The following GOLIM4 variants were observed in gnomAD, a reference collection of about 807,000 sequenced individuals.
The protein encoded by GOLIM4 is golgi integral membrane protein 4, also known as 130 kDa golgi-localized phosphoprotein.
Under a neutral mutation model 107.4 loss-of-function variants are expected in GOLIM4, and 71 were observed. The ratio of observed to expected loss-of-function variants is 0.66; its 90% confidence interval spans 0.55 to 0.81. The LOEUF (loss-of-function observed/expected upper bound fraction) is 0.81, where lower values mean the gene tolerates loss of function less well. GOLIM4 is among the 30% of genes least tolerant of loss of function. GOLIM4 has a pLI of 0.00. For missense variants in GOLIM4, 830 were observed against 826.1 expected (o/e 1.00, Z -0.06); for synonymous variants, 327 against 294.8 (o/e 1.11, Z -1.12).
At chr3:168,019,119 G>C (rs971276853) in intron 14 of GOLIM4, among the ~76,000 whole-genome samples, 10 of 152,160 alleles carry the variant, frequency 6.6e-5, no homozygotes, top group African/African-American at 2.2e-4. Flanking sequence ...TATGGAGTCA[G>C]AAAGACCTGG....
At chr3:168,047,084 A>G (rs1719347563) in intron 2 of GOLIM4, 85 bp from the exon 3 acceptor site, 2 of 650,292 alleles carry the variant, frequency 3.1e-6, no homozygotes. Flanking sequence ...AACTTCACTC[A>G]TGCTTACAAA....
chr3:168,009,426 C>CAAAAAAAAAAAAAA lies in GOLIM4; in HGVS notation c.*842_*843insTTTTTTTTTTTTTT, dbSNP rs1553791594. ...AAACAAGAATATCAATCAATGGCTTCAAACAAAAAAAAAAAAAAAAAATTG... is the reference window on the plus strand; with the variant it reads ...AAACAAGAATATCAATCAATGGCTTCAAAAAAAAAAAAAAAAACAAAAAAAAAAAAAAAAAATTG... On this transcript the variant is annotated 3_prime_UTR_variant, in exon 16 of 16. Transcript: ENST00000470487. The CAAAAAAAAAAAAAA allele has an allele frequency of 1.1e-4, 1 of 8,732 alleles. No homozygotes were observed. Among genetic ancestry groups the CAAAAAAAAAAAAAA allele is most frequent in the Admixed American group, 1.9e-3 (1 of 530 alleles). The allele number at this position is 8,732 out of a possible 1,614,324, so 0.5% of individuals were successfully genotyped here.
At chr3:168,036,810 A>G (rs1198241065) in intron 8 of GOLIM4, 26 bp downstream of exon 8, 15 of 1,566,872 alleles carry the variant, frequency 9.6e-6, no homozygotes, top group South Asian at 4.7e-5. Flanking sequence ...TGACCTAACC[A>G]TAGATTACCA....
At chr3:168,034,767 T>C (rs1292175644) in intron 8 of GOLIM4, among the ~76,000 whole-genome samples, 1 of 152,160 alleles carries the variant, frequency 6.6e-6, no homozygotes, top group Non-Finnish European at 1.5e-5. Flanking sequence ...CCCGTGCTGC[T>C]CTCACAATAG....
intron 8 of GOLIM4, among the ~76,000 whole-genome samples, chr3:168,035,847 T>C (rs2108236047): frequency 2.0e-5 from 3 of 150,940 alleles, no homozygotes; most frequent in Admixed American, 2.0e-4. Flanking sequence ...TTACAGATGA[T>C]TGGAAAAAAA....
In GOLIM4 at chr3:168,032,663, C is replaced by T; in HGVS notation, c.1033G>A (p.Glu345Lys). 1.2e-6 allele frequency: 2 copies of T among 1,614,062 alleles called. No homozygotes were observed. The highest frequency in any genetic ancestry group is 8.5e-7 in the Non-Finnish European group (1 of 1,180,006). Reference sequence around the variant, plus strand: ...TGCCCGACCTGCTCCATTTCTTCCTCCTCCAGGGCCTTTCTGTGCTCCTCT... The same window carrying T: ...TGCCCGACCTGCTCCATTTCTTCCTTCTCCAGGGCCTTTCTGTGCTCCTCT... ...VEEEHRKALE[E>K]EEMEQVGQAE... Residue 345 changes from glutamate (E) to lysine (K), a missense_variant, in exon 9 of 16, where the codon GAG becomes AAG. Transcript: ENST00000470487.
Position 168,024,929 on chromosome 3 carries a change from ACCAAATGTTCCT to A in GOLIM4, c.1778_1789del (p.Glu593_Leu596del). ...CCCTTCCTCGTGGCATCTGCTTACC[ACCAAATGTTCCT>A]CCACTTCTGTATTCTCTTGCTTTTG... On this transcript the variant is annotated inframe_deletion and splice_region_variant, in exon 13 of 16. Transcript: ENST00000470487. The A allele has an allele frequency of 6.2e-7, 1 of 1,613,302 alleles. No individual in the cohort carries two copies. The highest frequency in any genetic ancestry group is 8.5e-7 in the Non-Finnish European group (1 of 1,179,436).
chr3:168,054,847 TA>T (rs1719855776), intron 1 of GOLIM4, among the ~76,000 whole-genome samples: 1 of 152,044 alleles, frequency 6.6e-6, no homozygotes, highest in African/African-American at 2.4e-5. Flanking sequence ...CAGTGGGAGA[TA>T]ATTTAATCAT....
At chr3:168,055,847 C>G (rs1004228936) in intron 1 of GOLIM4, among the ~76,000 whole-genome samples, 1 of 149,942 alleles carries the variant, frequency 6.7e-6, no homozygotes, top group Non-Finnish European at 1.5e-5. Flanking sequence ...TAAAGGCATT[C>G]AGTATTAAAA....
intron 14 of GOLIM4, among the ~76,000 whole-genome samples, chr3:168,021,160 G>A (rs1237676159): frequency 6.6e-6 from 1 of 152,132 alleles, no homozygotes. Context: ...TCTGAAATGG[G>A]CTTTGGCTAG....
In GOLIM4 at chr3:168,029,852, A is replaced by G. The variant is rs772148857; in HGVS notation, c.1361T>C (p.Val454Ala). Reference sequence around the variant, plus strand: ...CCTCTGCAGGGCCATCTCTCTTGCCACCTGCTGCTGCTGCTGTTCCTGCTG... The same window carrying G: ...CCTCTGCAGGGCCATCTCTCTTGCCGCCTGCTGCTGCTGCTGTTCCTGCTG... ...LRQQEQQQQQ[V>A]AREMALQRQA... Residue 454 changes from valine (V) to alanine (A), a missense_variant, in exon 10 of 16, where the codon GTG becomes GCG. Physicochemically the swap from Val to Ala is moderately conservative, Grantham distance 64. Transcript: ENST00000470487. 4.3e-6 allele frequency: 7 copies of G among 1,613,814 alleles called. No homozygotes were observed. In the African/African-American group the frequency reaches 8.0e-5, roughly 18 times the overall value.
rs767758395 is a variant in GOLIM4 at position 168,032,679 on chromosome 3, G to C, written c.1017C>G (p.His339Gln). ...EPEEHQVEEEHRKALEEEEME... is the reference protein window; with the variant it reads ...EPEEHQVEEEQRKALEEEEME... ...TTTCTTCCTCCTCCAGGGCCTTTCT[G>C]TGCTCCTCTTCCACCTGATGCTCCT... Residue 339 changes from histidine to glutamine, a missense_variant, in exon 9 of 16, where the codon CAC (histidine) becomes CAG (glutamine). Physicochemically the swap from His to Gln is conservative, Grantham distance 24 (BLOSUM62 0). Transcript: ENST00000470487. 8.1e-6 allele frequency: 13 copies of C among 1,613,948 alleles called. No individual in the cohort carries two copies. Among genetic ancestry groups the C allele is most frequent in the South Asian group, 5.5e-5 (5 of 91,070 alleles).
chr3:168,093,176 T>G (rs1009386905), intron 1 of GOLIM4, among the ~76,000 whole-genome samples: 3 of 152,188 alleles, frequency 2.0e-5, no homozygotes, highest in Admixed American at 2.0e-4. Flanking sequence ...ATTCAGAAAT[T>G]AGGGCCTCAG....
At chr3:168,036,310 G>T (rs1718649245) in intron 8 of GOLIM4, among the ~76,000 whole-genome samples, 1 of 152,232 alleles carries the variant, frequency 6.6e-6, no homozygotes, top group East Asian at 1.9e-4. Flanking sequence ...GGAAGCCAAG[G>T]CGGGCGGATC....
At chr3:168,027,915 A>G (rs9861339) in intron 11 of GOLIM4, 78 bp from the exon 12 acceptor site, 252,046 of 886,434 alleles carry the variant, frequency 0.28, 40,809 homozygotes, top group Middle Eastern at 0.36. Flanking sequence ...AAAAGCCACC[A>G]GTGGACTTTT....
rs528591653 is a variant in GOLIM4, at chr3:168,055,462, T to G, written c.188-7097A>C. Among the ~76,000 whole-genome samples the G allele has an allele frequency of 6.6e-5, 10 of 152,186 alleles. No individual in the cohort carries two copies. The East Asian group carries it at 1.9e-3, about 29-fold the overall frequency. ...AACTTTGAACTTGAGAAAGATGATT[T>G]AGGGATCTGGTGGAAGAAATTTCTA... On this transcript the variant is annotated intron_variant, in intron 1 of 15. Transcript: ENST00000470487.
Position 168,030,040 on chromosome 3 carries a change from G to A in GOLIM4, c.1177-4C>T. 6.2e-7 allele frequency: 1 copy of A among 1,613,274 alleles called. No individual in the cohort carries two copies. Among genetic ancestry groups the A allele is most frequent in the South Asian group, 1.1e-5 (1 of 91,036 alleles). On this transcript the variant is annotated splice_polypyrimidine_tract_variant and splice_region_variant and intron_variant, in intron 9 of 15. Coordinates refer to ENST00000470487, the MANE Select transcript of GOLIM4 (RefSeq NM_014498.5). The stretch of plus-strand genomic sequence containing the variant: ...TTGGCTTGGCTGAAGGGTACACCTA[G>A]GGTGAAAAAGAGTTGGTGCAGAGCA...
chr3:168,012,514 G>C (rs1238536145), intron 14 of GOLIM4, among the ~76,000 whole-genome samples: 1 of 140,174 alleles, frequency 7.1e-6, no homozygotes, highest in African/African-American at 3.2e-5. Flanking sequence ...GCAGGCCAAC[G>C]TTCAGATTCA....
chr3:168,059,807 G>C lies in GOLIM4; in HGVS notation c.188-11442C>G, dbSNP rs555425090. ...TGATGAGGGCAGGCCTCACTGAGAA[G>C]GATATTTCAGTGGGGACATGTGAGA... On this transcript the variant is annotated intron_variant, in intron 1 of 15. Transcript: ENST00000470487. Among the ~76,000 whole-genome samples the C allele has an allele frequency of 7.9e-5, 12 of 152,256 alleles. No homozygotes were observed. The South Asian group carries it at 2.3e-3, about 29-fold the overall frequency.
Sources: allele counts gnomAD v4.1 joint callset (sites outside exome capture counted in the v4.1 genomes callset), GRCh38; gene constraint gnomAD v4.1.1; transcripts MANE v1.5; gene names NCBI Gene and HGNC (gene_info 2026-07-23, HGNC 2026-07-21).